Variants in HELQ observed in about 807,000 individuals in gnomAD.
The protein encoded by HELQ is helicase, POLQ like, also known as helicase POLQ-like.
Under a neutral mutation model 111.6 loss-of-function variants are expected in HELQ, and 77 were observed. The ratio of observed to expected loss-of-function variants is 0.69; its 90% CI spans 0.57 to 0.83. The LOEUF (loss-of-function observed/expected upper bound fraction) is 0.83. Ranked by LOEUF, HELQ falls within the 40% of genes least tolerant of loss-of-function variation. The probability of loss-of-function intolerance (pLI) is 0.00; values close to 1 mark genes in which losing one functional copy is unlikely to be tolerated. For synonymous variants in HELQ, 438 were observed against 454.7 expected, an observed-to-expected ratio of 0.96 and a Z score of 0.47; for missense variants, 1,200 against 1,288.5, an observed-to-expected ratio of 0.93 and a Z score of 1.05.
Position 83,432,155 on chromosome 4 carries a change from G to A in HELQ, c.2161C>T (p.Leu721Phe). The A allele has an allele frequency of 1.3e-6, 2 of 1,588,034 alleles. No homozygotes were observed. The highest frequency in any genetic ancestry group is 8.6e-7 in the Non-Finnish European group (1 of 1,168,730). The change falls in exon 10 of 18, where the codon CTC (leucine) becomes TTC (phenylalanine). Residue 721 changes from leucine (L) to phenylalanine (F), a missense_variant. By Grantham distance (22) the Leu-to-Phe change is conservative. Coordinates refer to ENST00000295488, the MANE Select transcript of HELQ (RefSeq NM_133636.5). ...AGIDTIGESI[L>F]ILQEKDKQQV... Reference sequence around the variant, plus strand: ...TGTTTGTCTTTTTCTTGCAATATGAGGATACTCTCCCCAATAGTATCTATT... The same window carrying A: ...TGTTTGTCTTTTTCTTGCAATATGAAGATACTCTCCCCAATAGTATCTATT...
intron 7 of HELQ, 43 bp from the exon 8 acceptor site, chr4:83,440,051 T>C (rs1720685843): frequency 1.3e-6 from 2 of 1,505,144 alleles, no homozygotes; most frequent in Non-Finnish European, 1.8e-6. Flanking sequence ...TTAGTAAACA[T>C]GAAACCCTGT....
At chr4:83,430,314 T>A in intron 11 of HELQ, among the ~76,000 whole-genome samples, 1 of 116,758 alleles carries the variant, frequency 8.6e-6, no homozygotes, top group East Asian at 3.7e-4. Flanking sequence ...AAAAAAGAAC[T>A]GAAAAAAAAA....
chr4:83,450,917 G>A (rs1336524062), intron 2 of HELQ, among the ~76,000 whole-genome samples: 7 of 152,124 alleles, frequency 4.6e-5, no homozygotes, highest in African/African-American at 4.8e-5. Context: ...AGTGAGCCAC[G>A]ATCACAGATT....
chr4:83,434,322 G>A (rs1468439096), intron 9 of HELQ, among the ~76,000 whole-genome samples: 1 of 152,060 alleles, frequency 6.6e-6, no homozygotes, highest in Non-Finnish European at 1.5e-5. Context: ...AGTGAGCCGA[G>A]ACCGCACCAC....
In HELQ at chr4:83,437,114, T is replaced by C. The variant is rs199987736; in HGVS notation, c.1809-17A>G. The C allele has an allele frequency of 2.7e-4, 431 of 1,609,634 alleles. 4 individuals are homozygous for C. In the South Asian group the frequency reaches 4.4e-3, roughly 16 times the overall value. Reference sequence around the variant, plus strand: ...AGATATTCCCTATGAAAAAGATCTGTTAGAAATATGAGCCCTTGATCTTTT... The same window carrying C: ...AGATATTCCCTATGAAAAAGATCTGCTAGAAATATGAGCCCTTGATCTTTT... On this transcript the variant is annotated splice_polypyrimidine_tract_variant and intron_variant, in intron 8 of 17. Coordinates refer to ENST00000295488, the MANE Select transcript of HELQ (RefSeq NM_133636.5).
At chr4:83,454,590 A>ATTT (rs1165924514) in intron 1 of HELQ, among the ~76,000 whole-genome samples, 2 of 144,690 alleles carry the variant, frequency 1.4e-5, no homozygotes, top group African/African-American at 5.1e-5. Context: ...AGAAAAAAAA[A>ATTT]TTTTTTTTTT....
In HELQ at chr4:83,407,555, C is replaced by T. The variant is rs1387615135; in HGVS notation, c.3204G>A (p.Leu1068=). 6.2e-7 allele frequency: 1 copy of T among 1,605,564 alleles called. No homozygotes were observed. Among genetic ancestry groups the T allele is most frequent in the Non-Finnish European group, 8.5e-7 (1 of 1,176,006 alleles). ...GCAGGGCTTCTGCTTTTTCATGCAA[C>T]AGCATCTACATTAAAAAATTAAGAC... ...AKQIVSSAKM[L]LHEKAEALQE... is the part of the protein sequence containing the mutation. The change falls in exon 18 of 18, where the codon CTG becomes CTA. Residue 1068 remains leucine (L), a synonymous_variant. Coordinates refer to ENST00000295488, the MANE Select transcript of HELQ (RefSeq NM_133636.5).
intron 17 of HELQ, among the ~76,000 whole-genome samples, chr4:83,415,086 CAATG>C (rs2109964582): frequency 6.6e-6 from 1 of 152,130 alleles, no homozygotes; most frequent in East Asian, 1.9e-4. Context: ...AATAGTAAAA[CAATG>C]AAGCTTCAAA....
chr4:83,445,234 G>A (rs1183130561), intron 5 of HELQ, among the ~76,000 whole-genome samples: 1 of 152,142 alleles, frequency 6.6e-6, no homozygotes, highest in Non-Finnish European at 1.5e-5. Context: ...AAATAGGGAT[G>A]CCCTAAAATA....
chr4:83,438,174 G>A (rs1412991716), intron 8 of HELQ, among the ~76,000 whole-genome samples: 1 of 152,210 alleles, frequency 6.6e-6, no homozygotes, highest in Non-Finnish European at 1.5e-5. Context: ...AGGAGGTAGA[G>A]GTTGACTAGA....
intron 9 of HELQ, among the ~76,000 whole-genome samples, chr4:83,434,703 ATCCTCCTACCTTT>A (rs1560549564): frequency 6.6e-6 from 1 of 152,090 alleles, no homozygotes; most frequent in Non-Finnish European, 1.5e-5. Flanking sequence ...GGCTCAAGCA[ATCCTCCTACCTTT>A]GCCTCCCAAA....
At chr4:83,441,424 G>T in intron 6 of HELQ, 21 bp from the exon 7 acceptor site, 1 of 1,096,098 alleles carries the variant, frequency 9.1e-7, no homozygotes. Context: ...AAGGACATTT[G>T]CAATTAATAC....
intron 14 of HELQ, among the ~76,000 whole-genome samples, chr4:83,424,556 G>A (rs542699033): frequency 6.6e-6 from 1 of 152,122 alleles, no homozygotes; most frequent in African/African-American, 2.4e-5. Context: ...CCACTGTGCT[G>A]GGCTCATGGA....
At chr4:83,445,331 A>G (rs1459329987) in intron 5 of HELQ, among the ~76,000 whole-genome samples, 2 of 152,186 alleles carry the variant, frequency 1.3e-5, no homozygotes, top group African/African-American at 2.4e-5. Context: ...GGTGATCAAT[A>G]TTTTTTTGAA....
chr4:83,454,374 C>T (rs1294081421), intron 1 of HELQ, among the ~76,000 whole-genome samples: 4 of 152,070 alleles, frequency 2.6e-5, no homozygotes, highest in Admixed American at 2.6e-4. Flanking sequence ...GCCTAAACAG[C>T]AGGTTCAGGA....
At chr4:83,439,603 C>T (rs1720663538) in intron 8 of HELQ, among the ~76,000 whole-genome samples, 2 of 152,228 alleles carry the variant, frequency 1.3e-5, no homozygotes, top group East Asian at 3.9e-4. Context: ...TCAAGTGATC[C>T]ACCCACCTCG....
At chr4:83,453,187 TA>T in intron 2 of HELQ, 43 bp downstream of exon 2, 1 of 1,143,128 alleles carries the variant, frequency 8.7e-7, no homozygotes, top group Non-Finnish European at 1.3e-6. Flanking sequence ...AATATTATGG[TA>T]ATGATAGGAA....
rs146616922 is a variant in HELQ at position 83,448,826 on chromosome 4, T to C, written c.1148A>G (p.Asp383Gly). 6.2e-7 allele frequency: 1 copy of C among 1,613,922 alleles called. No homozygotes were observed. The highest frequency in any genetic ancestry group is 8.5e-7 in the Non-Finnish European group (1 of 1,179,972). Reference sequence around the variant, plus strand: ...CACATATGGAAGAATCATTAAAACATCTTTCCGACAGCAAAGCAGTTCTTG... The same window carrying C: ...CACATATGGAAGAATCATTAAAACACCTTTCCGACAGCAAAGCAGTTCTTG... ...MLQELLCCRK[D>G]VLMILPYVAI... The change falls in exon 3 of 18, where the codon GAT (aspartate) becomes GGT (glycine). Residue 383 changes from aspartate to glycine, a missense_variant. Asp to Gly is a moderately conservative substitution (Grantham distance 94). Around this residue, in one of 3 missense-constraint regions of HELQ, gnomAD observed 610 missense variants for 607.1 expected, o/e 1.00. Coordinates refer to ENST00000295488, the MANE Select transcript of HELQ (RefSeq NM_133636.5).
At chr4:83,415,180 C>A (rs1047694044) in intron 17 of HELQ, among the ~76,000 whole-genome samples, 1 of 152,128 alleles carries the variant, frequency 6.6e-6, no homozygotes, top group Non-Finnish European at 1.5e-5. Context: ...AATGGCTTTA[C>A]CCACAGGGAG....
Sources: gnomAD v4.1 joint callset for allele counts (sites outside exome capture counted in the v4.1 genomes callset) on GRCh38, gnomAD v4.1.1 for gene constraint, gnomAD v4.1.1 regional missense constraint, MANE v1.5 for transcripts, NCBI Gene and HGNC (gene_info 2026-07-23, HGNC 2026-07-21) for gene names.